Variants in SPAG16 observed in about 807,000 individuals in gnomAD.
SPAG16 encodes the protein sperm associated antigen 16, also known as sperm-associated antigen 16 protein.
SPAG16 carries 86 observed loss-of-function variants against 80.4 expected under a neutral mutation model. That is an observed-to-expected ratio of 1.07 (90% CI 0.90 to 1.28). SPAG16 has a LOEUF of 1.28. Among genes scored for constraint, SPAG16 ranks in the 50% most tolerant of loss-of-function variants. The pLI is 0.00. For synonymous variants in SPAG16, 294 were observed against 265.9 expected (o/e 1.11, Z -1.03); for missense variants, 870 against 765.3 (o/e 1.14, Z -1.61).
chr2:214,197,305 T>C (rs2057871493), intron 15 of SPAG16, among the ~76,000 whole-genome samples: 1 of 152,056 alleles, frequency 6.6e-6, no homozygotes, highest in African/African-American at 2.4e-5. Flanking sequence ...AGAAAAATGC[T>C]TACTGAGTTT....
intron 10 of SPAG16, among the ~76,000 whole-genome samples, chr2:213,566,783 A>G (rs2059783553): frequency 6.6e-6 from 1 of 152,238 alleles, no homozygotes; most frequent in African/African-American, 2.4e-5. Context: ...TTCCCAGAGC[A>G]TAAGACTTGA....
intron 7 of SPAG16, among the ~76,000 whole-genome samples, chr2:213,351,942 G>A (rs1021946056): frequency 8.5e-5 from 13 of 152,092 alleles, no homozygotes; most frequent in Admixed American, 3.3e-4. Context: ...GCGGGACCAG[G>A]TGGAGGTAAC....
chr2:213,579,583 A>T (rs2060235157), intron 10 of SPAG16, among the ~76,000 whole-genome samples: 1 of 152,152 alleles, frequency 6.6e-6, no homozygotes, highest in South Asian at 2.1e-4. Context: ...ATTAAAAATG[A>T]TCTCTTCATA....
chr2:213,607,782 T>A (rs113805485), intron 10 of SPAG16, among the ~76,000 whole-genome samples: 5 of 152,344 alleles, frequency 3.3e-5, no homozygotes, highest in African/African-American at 1.2e-4. Context: ...CATTTTATTT[T>A]TCCTGCAGAT....
intron 10 of SPAG16, among the ~76,000 whole-genome samples, chr2:213,601,958 T>G (rs781432782): frequency 3.3e-5 from 5 of 152,186 alleles, no homozygotes; most frequent in Admixed American, 6.5e-5. Context: ...CATCAGGCAT[T>G]GGTTAGAGTC....
intron 13 of SPAG16, among the ~76,000 whole-genome samples, chr2:214,078,973 A>G (rs145492732): frequency 6.6e-6 from 1 of 152,186 alleles, no homozygotes; most frequent in Non-Finnish European, 1.5e-5. Context: ...AGGCAGCAAC[A>G]ACCAACGAGA....
At chr2:214,302,315 T>TAA (rs1356638860) in intron 15 of SPAG16, among the ~76,000 whole-genome samples, 2 of 152,192 alleles carry the variant, frequency 1.3e-5, no homozygotes, top group African/African-American at 4.8e-5. Flanking sequence ...GAGTTCAGTT[T>TAA]AAGTCCAAAG....
At chr2:213,472,778 A>C (rs2073154111) in intron 9 of SPAG16, among the ~76,000 whole-genome samples, 1 of 152,218 alleles carries the variant, frequency 6.6e-6, no homozygotes, top group Admixed American at 6.5e-5. Context: ...CTTTAACTGG[A>C]GGACCACAGT....
At chr2:214,144,293 T>G (rs1049617390) in intron 14 of SPAG16, among the ~76,000 whole-genome samples, 13 of 150,462 alleles carry the variant, frequency 8.6e-5, no homozygotes, top group Middle Eastern at 3.4e-3. Flanking sequence ...ATTTAAAGTA[T>G]TAAAGGATTA....
chr2:214,288,166 CAT>C (rs1483628691), intron 15 of SPAG16, among the ~76,000 whole-genome samples: 2 of 147,036 alleles, frequency 1.4e-5, no homozygotes, highest in African/African-American at 2.5e-5. Flanking sequence ...TGCATGAAAA[CAT>C]ATAGTATCTG....
intron 9 of SPAG16, among the ~76,000 whole-genome samples, chr2:213,416,822 C>T (rs1175973007): frequency 6.6e-6 from 1 of 152,140 alleles, no homozygotes; most frequent in Non-Finnish European, 1.5e-5. Context: ...CACAGTAAAC[C>T]ATGCTAACTG....
intron 15 of SPAG16, among the ~76,000 whole-genome samples, chr2:214,350,639 G>A (rs903032467): frequency 6.6e-6 from 1 of 152,146 alleles, no homozygotes; most frequent in East Asian, 1.9e-4. Flanking sequence ...GCAATGGTGT[G>A]TATTTCCCCA....
At chr2:213,336,805 C>T (rs1490622815) in intron 5 of SPAG16, among the ~76,000 whole-genome samples, 1 of 152,166 alleles carries the variant, frequency 6.6e-6, no homozygotes, top group Non-Finnish European at 1.5e-5. Context: ...TCTTTTCTGC[C>T]TGCTGGCTCT....
At chr2:213,845,632 G>A (rs1203516490) in intron 10 of SPAG16, among the ~76,000 whole-genome samples, 2 of 152,154 alleles carry the variant, frequency 1.3e-5, no homozygotes, top group East Asian at 3.9e-4. Context: ...GTTATAAAAT[G>A]CATGTGTATC....
intron 15 of SPAG16, among the ~76,000 whole-genome samples, chr2:214,172,197 A>T (rs983624343): frequency 6.6e-6 from 1 of 151,822 alleles, no homozygotes; most frequent in Admixed American, 6.6e-5. Context: ...TGCACCCATT[A>T]ACTCGTCATT....
chr2:213,479,557 C>T (rs775324420), intron 9 of SPAG16, among the ~76,000 whole-genome samples: 6 of 152,064 alleles, frequency 3.9e-5, no homozygotes, highest in South Asian at 2.1e-4. Flanking sequence ...AATGATTCAA[C>T]GAAAACCCCA....
At chr2:213,414,809 C>A (rs2069161835) in intron 9 of SPAG16, among the ~76,000 whole-genome samples, 1 of 152,188 alleles carries the variant, frequency 6.6e-6, no homozygotes, top group Non-Finnish European at 1.5e-5. Context: ...GGACTTAAAG[C>A]TCTAATTTGT....
chr2:213,676,595 G>T (rs1030231734), intron 10 of SPAG16, among the ~76,000 whole-genome samples: 2 of 152,074 alleles, frequency 1.3e-5, no homozygotes, highest in South Asian at 4.1e-4. Flanking sequence ...AGCATGAAGG[G>T]TTGTTGAATT....
chr2:214,095,642 A>T (rs1018628822), intron 13 of SPAG16, among the ~76,000 whole-genome samples: 6 of 152,070 alleles, frequency 3.9e-5, no homozygotes, highest in Admixed American at 3.9e-4. Flanking sequence ...TTAAAAATTC[A>T]TGTATTATAG....
Sources: allele counts gnomAD v4.1 joint callset (sites outside exome capture counted in the v4.1 genomes callset), GRCh38; gene constraint gnomAD v4.1.1; transcripts MANE v1.5; gene names NCBI Gene and HGNC (gene_info 2026-07-23, HGNC 2026-07-21).